The following CHRM5 variants were observed in gnomAD, a reference collection of about 807,000 sequenced individuals.
CHRM5 encodes the protein cholinergic receptor muscarinic 5.
In CHRM5, 18 loss-of-function variants were observed where a neutral mutation model predicts 39.0. That is an observed-to-expected ratio of 0.46 (90% confidence interval 0.32 to 0.68). CHRM5 has a LOEUF of 0.68. Ranked by LOEUF, CHRM5 falls within the 30% of genes least tolerant of loss-of-function variation. The pLI, the probability that CHRM5 is intolerant of heterozygous loss-of-function variation, is 0.04. For synonymous variants in CHRM5, 241 were observed against 246.3 expected (o/e 0.98, Z 0.20); for missense variants, 515 against 651.1 (o/e 0.79, Z 2.28).
chr15:33,999,463 G>T (rs1018181236), intron 1 of CHRM5, among the ~76,000 whole-genome samples: 1 of 152,026 alleles, frequency 6.6e-6, no homozygotes, highest in African/African-American at 2.4e-5. Flanking sequence ...ACTGCAACAG[G>T]TATCAAAGTG....
In CHRM5 at chr15:33,968,844, T is replaced by C. The variant is rs188366019; in HGVS notation, c.-714T>C. ...ACCAGGATTTCTCATTGCTGAAGCA[T>C]TCAATGAATCTTTAATAAGTTCTCA... is the stretch of plus-strand genomic sequence containing the variant. On this transcript the variant is annotated 5_prime_UTR_variant, in exon 1 of 3. Coordinates refer to ENST00000383263, the MANE Select transcript of CHRM5 (RefSeq NM_012125.4). 8 of 152,240 alleles carry C rather than the reference T, an allele frequency of 5.3e-5. No homozygotes were observed. The East Asian group carries it at 1.4e-3, about 26-fold the overall frequency. 9.4% of individuals were successfully genotyped at this position (152,240 alleles called of 1,614,324 possible).
chr15:34,045,396 C>T (rs190809397), intron 1 of CHRM5, among the ~76,000 whole-genome samples: 1 of 152,296 alleles, frequency 6.6e-6, no homozygotes, highest in East Asian at 1.9e-4. Context: ...ATATATCTTA[C>T]TTTAAAATAT....
intron 1 of CHRM5, among the ~76,000 whole-genome samples, chr15:33,986,666 G>GT (rs1053206530): frequency 6.0e-4 from 91 of 151,546 alleles, no homozygotes; most frequent in African/African-American, 1.7e-3. Context: ...TTTTGTTTTT[G>GT]TTTTTTTTGA....
At chr15:34,007,333 T>C (rs1897400887) in intron 1 of CHRM5, among the ~76,000 whole-genome samples, 1 of 152,204 alleles carries the variant, frequency 6.6e-6, no homozygotes, top group Non-Finnish European at 1.5e-5. Flanking sequence ...ATAATAAGAA[T>C]TGTCATGATA....
chr15:34,015,261 G>C (rs935181904), intron 1 of CHRM5, among the ~76,000 whole-genome samples: 7 of 152,018 alleles, frequency 4.6e-5, no homozygotes, highest in Admixed American at 2.6e-4. Flanking sequence ...AGGCAGGCGG[G>C]TCACGAGGTC....
At chr15:34,040,586 C>CTG in intron 1 of CHRM5, among the ~76,000 whole-genome samples, 1 of 152,182 alleles carries the variant, frequency 6.6e-6, no homozygotes, top group African/African-American at 2.4e-5. Context: ...GTGTTGTCTC[C>CTG]ATTTTACAGA....
intron 1 of CHRM5, among the ~76,000 whole-genome samples, chr15:33,985,132 T>A (rs1896366869): frequency 6.6e-6 from 1 of 151,968 alleles, no homozygotes; most frequent in African/African-American, 2.4e-5. Context: ...TGCCAATAAC[T>A]ATGCAGGGTC....
intron 1 of CHRM5, chr15:33,992,108 C>G (rs916087498): frequency 6.6e-6 from 1 of 152,206 alleles, no homozygotes; most frequent in African/African-American, 2.4e-5. Context: ...AAAATCAGGC[C>G]GGGCGCGATG....
At chr15:34,008,294 C>T (rs548097590) in intron 1 of CHRM5, among the ~76,000 whole-genome samples, 4 of 151,820 alleles carry the variant, frequency 2.6e-5, no homozygotes, top group Non-Finnish European at 5.9e-5. Context: ...GGTGGTGTAC[C>T]TCTGTTGTCC....
chr15:34,033,977 G>A (rs1224846601), intron 1 of CHRM5, among the ~76,000 whole-genome samples: 5 of 152,000 alleles, frequency 3.3e-5, no homozygotes, highest in African/African-American at 9.7e-5. Context: ...TAGTAGAGAG[G>A]GGTTTCACCA....
At chr15:34,038,174 T>A (rs1477290706) in intron 1 of CHRM5, among the ~76,000 whole-genome samples, 3 of 152,186 alleles carry the variant, frequency 2.0e-5, no homozygotes, top group African/African-American at 7.2e-5. Context: ...TTTCTACACA[T>A]ACAGGCATAA....
chr15:34,008,422 A>T (rs1230224932), intron 1 of CHRM5, among the ~76,000 whole-genome samples: 2 of 150,408 alleles, frequency 1.3e-5, no homozygotes, highest in Non-Finnish European at 2.9e-5. Context: ...CGTGTCTCTT[A>T]AAAAGAAAAA....
chr15:34,014,762 C>A (rs1897809614), intron 1 of CHRM5, among the ~76,000 whole-genome samples: 1 of 152,142 alleles, frequency 6.6e-6, no homozygotes, highest in Non-Finnish European at 1.5e-5. Context: ...CTGGTGAGTT[C>A]AAGGAATTTG....
intron 1 of CHRM5, among the ~76,000 whole-genome samples, chr15:34,037,740 T>C (rs1899214827): frequency 6.6e-6 from 1 of 152,112 alleles, no homozygotes; most frequent in Non-Finnish European, 1.5e-5. Context: ...TTAAGTTTGT[T>C]ACATTTAAAT....
chr15:33,993,946 T>C (rs1896831217), intron 1 of CHRM5, among the ~76,000 whole-genome samples: 1 of 152,254 alleles, frequency 6.6e-6, no homozygotes, highest in Non-Finnish European at 1.5e-5. Flanking sequence ...ATCCACTTAT[T>C]TAAGTATTCA....
chr15:33,984,708 T>C (rs1259554283), intron 1 of CHRM5, among the ~76,000 whole-genome samples: 1 of 152,144 alleles, frequency 6.6e-6, no homozygotes. Context: ...AGCCTATTCA[T>C]AGTAGGTTTC....
At chr15:34,044,892 C>CA (rs1226515892) in intron 1 of CHRM5, among the ~76,000 whole-genome samples, 1 of 151,996 alleles carries the variant, frequency 6.6e-6, no homozygotes, top group Non-Finnish European at 1.5e-5. Context: ...CTTAAAAATA[C>CA]AAAAAATTAG....
At chr15:34,015,572 TTAAAC>T (rs1897860786) in intron 1 of CHRM5, among the ~76,000 whole-genome samples, 1 of 152,132 alleles carries the variant, frequency 6.6e-6, no homozygotes, top group South Asian at 2.1e-4. Flanking sequence ...ATTTGGGAAA[TTAAAC>T]TAACTAAAAA....
Position 34,038,914 on chromosome 15 carries a change from C to T in CHRM5, c.-407-7626C>T, listed in dbSNP as rs1899315530. 5 of 721,474 alleles carry T rather than the reference C, an allele frequency of 6.9e-6. No individual in the cohort carries two copies. The South Asian group carries it at 2.1e-4, about 30-fold the overall frequency. The allele number at this position is 721,474 out of a possible 1,614,324, so 44.7% of individuals were successfully genotyped here. A position where few individuals can be genotyped will look rare whatever the true frequency, so the allele number is the denominator to read the frequency against. ...CGGCCCCGGCGTCCGCCTCCGTCCC[C>T]GCCGCCGCCTCCGCCGCCGCCTCTG... is the stretch of plus-strand genomic sequence containing the variant. On this transcript the variant is annotated intron_variant, in intron 1 of 2. Transcript: ENST00000383263.
Sources: gnomAD v4.1 joint callset for allele counts (sites outside exome capture counted in the v4.1 genomes callset) on GRCh38, gnomAD v4.1.1 for gene constraint, MANE v1.5 for transcripts, NCBI Gene and HGNC (gene_info 2026-07-23, HGNC 2026-07-21) for gene names.